Variants in SH3BGRL2 observed in about 807,000 individuals in gnomAD.
The protein encoded by SH3BGRL2 is SH3 domain-binding glutamic acid-rich-like protein 2.
A neutral mutation model predicts 14.8 loss-of-function variants in SH3BGRL2; 21 were observed. The observed-to-expected ratio is 1.42, with a 90% confidence interval of 1.01 to 2.05. The LOEUF is 2.05. Ranked by LOEUF, SH3BGRL2 falls within the 30% of genes most tolerant of loss-of-function variation. The pLI is 0.00. For missense variants in SH3BGRL2, 147 were observed against 130.8 expected (o/e 1.12, Z -0.61); for synonymous variants, 50 against 47.8 (o/e 1.05, Z -0.19).
chr6:79,541,107 G>T, the SH3BGRL2 span, among the ~76,000 whole-genome samples: 2 of 151,930 alleles, frequency 1.3e-5, no homozygotes, highest in African/African-American at 4.8e-5. Context: ...TACAAAATTA[G>T]CCAGACGTGG....
intron 1 of SH3BGRL2, among the ~76,000 whole-genome samples, chr6:79,667,980 A>G (rs1293854170): frequency 1.4e-5 from 1 of 69,858 alleles, no homozygotes. Context: ...TTCTTATTCA[A>G]TCTCAATGTT....
chr6:79,679,799 AT>A (rs753659847), intron 2 of SH3BGRL2, among the ~76,000 whole-genome samples: 5 of 152,088 alleles, frequency 3.3e-5, no homozygotes, highest in Non-Finnish European at 7.4e-5. Context: ...TTGATAACTC[AT>A]TGTGGTTTTG....
the SH3BGRL2 span, among the ~76,000 whole-genome samples, chr6:79,537,716 G>A: frequency 6.6e-6 from 1 of 152,144 alleles, no homozygotes; most frequent in Non-Finnish European, 1.5e-5. Flanking sequence ...GGGCAAAGTG[G>A]GTTCATGATA....
At chr6:79,686,547 T>C (rs1203440797) in intron 2 of SH3BGRL2, among the ~76,000 whole-genome samples, 1 of 152,188 alleles carries the variant, frequency 6.6e-6, no homozygotes, top group Non-Finnish European at 1.5e-5. Context: ...TTTATCTACT[T>C]TCTAATTTGG....
chr6:79,607,927 C>T, the SH3BGRL2 span, among the ~76,000 whole-genome samples: 28 of 152,078 alleles, frequency 1.8e-4, no homozygotes, highest in African/African-American at 6.5e-4. Context: ...GCCTGGAAGA[C>T]AGAGCGAGAC....
chr6:79,614,005 C>T, the SH3BGRL2 span, among the ~76,000 whole-genome samples: 3,246 of 152,154 alleles, frequency 0.021, 37 homozygotes, highest in Non-Finnish European at 0.031. Context: ...GCAGCAGGGG[C>T]GGCTTTGACC....
At chr6:79,569,986 T>C in the SH3BGRL2 span, among the ~76,000 whole-genome samples, 557 of 152,272 alleles carry the variant, frequency 3.7e-3, 6 homozygotes, top group African/African-American at 0.013. Context: ...TTTGCTGAAA[T>C]TGAGGGCTGA....
At chr6:79,676,467 T>A (rs1769883680) in intron 2 of SH3BGRL2, among the ~76,000 whole-genome samples, 1 of 152,132 alleles carries the variant, frequency 6.6e-6, no homozygotes. Context: ...CCTTGCTTCT[T>A]GCTGATAGTG....
chr6:79,550,518 A>C, the SH3BGRL2 span, among the ~76,000 whole-genome samples: 7 of 152,194 alleles, frequency 4.6e-5, no homozygotes, highest in Admixed American at 2.0e-4. Flanking sequence ...CACAGAGATT[A>C]AAACGAAAAG....
the SH3BGRL2 span, among the ~76,000 whole-genome samples, chr6:79,590,856 T>G: frequency 6.6e-6 from 1 of 152,296 alleles, no homozygotes; most frequent in South Asian, 2.1e-4. Flanking sequence ...AAGTAGTATT[T>G]GTTCACTGTG....
In SH3BGRL2 at chr6:79,673,768, C is replaced by G. The variant is rs950516105; in HGVS notation, c.200C>G (p.Pro67Arg). 6.2e-7 allele frequency: 1 copy of G among 1,614,002 alleles called. No individual in the cohort carries two copies. The highest frequency in any genetic ancestry group is 1.3e-5 in the African/African-American group (1 of 75,010). Reference sequence around the variant, plus strand: ...CCCACTCAGGGCAACCCCCTGCCACCTCAGATATTTAATGGCGACCGATAC... The same window carrying G: ...CCCACTCAGGGCAACCCCCTGCCACGTCAGATATTTAATGGCGACCGATAC... Reference protein sequence around the residue: ...KKPTQGNPLPPQIFNGDRYCG... With the variant: ...KKPTQGNPLPRQIFNGDRYCG... The change falls in exon 2 of 4, where the codon CCT becomes CGT. Residue 67 changes from proline (P) to arginine (R), a missense_variant. By Grantham distance (103) the Pro-to-Arg change is moderately radical. Transcript: ENST00000369838.
chr6:79,572,558 C>T, the SH3BGRL2 span, among the ~76,000 whole-genome samples: 3,997 of 152,092 alleles, frequency 0.026, 172 homozygotes, highest in African/African-American at 0.092. Context: ...CTCTGCTTGC[C>T]GGGTTCACGC....
At chr6:79,607,678 C>T in the SH3BGRL2 span, among the ~76,000 whole-genome samples, 1 of 152,178 alleles carries the variant, frequency 6.6e-6, no homozygotes, top group African/African-American at 2.4e-5. Context: ...GGCACGGTGG[C>T]TCACGCCTGT....
At chr6:79,608,719 G>A in the SH3BGRL2 span, among the ~76,000 whole-genome samples, 2 of 152,132 alleles carry the variant, frequency 1.3e-5, no homozygotes, top group Non-Finnish European at 2.9e-5. Flanking sequence ...TTCAACCCAG[G>A]AAGCTGGCTT....
chr6:79,546,248 G>C, the SH3BGRL2 span, among the ~76,000 whole-genome samples: 2 of 152,066 alleles, frequency 1.3e-5, no homozygotes, highest in Non-Finnish European at 2.9e-5. Context: ...TTTTTTTCCA[G>C]ATAATACAAA....
the SH3BGRL2 span, among the ~76,000 whole-genome samples, chr6:79,588,154 A>T: frequency 4.0e-5 from 6 of 151,878 alleles, no homozygotes; most frequent in South Asian, 1.0e-3. Flanking sequence ...TTAGCTGGGC[A>T]TGGTGGCACG....
At position 79,673,681 on chromosome 6, in the gene SH3BGRL2, A is replaced by G. The variant is rs1249217231; in HGVS notation, c.113A>G (p.Asp38Gly). Residue 38 changes from aspartate to glycine, a missense_variant, in exon 2 of 4, where the codon GAT becomes GGT. By Grantham distance (94) the Asp-to-Gly change is moderately conservative. Transcript: ENST00000369838. ...AACAAGATAGAGTTTGAGGAGGTGGATATCACAATGTCAGAAGAACAGAGG... is the reference window on the plus strand; with the variant it reads ...AACAAGATAGAGTTTGAGGAGGTGGGTATCACAATGTCAGAAGAACAGAGG... ...EANKIEFEEV[D>G]ITMSEEQRQW... 1.2e-6 allele frequency: 2 copies of G among 1,614,044 alleles called. No individual in the cohort carries two copies. Among genetic ancestry groups the G allele is most frequent in the Non-Finnish European group, 1.7e-6 (2 of 1,180,022 alleles).
intron 1 of SH3BGRL2, among the ~76,000 whole-genome samples, chr6:79,661,954 C>T (rs1317785897): frequency 6.6e-6 from 1 of 151,954 alleles, no homozygotes; most frequent in Admixed American, 6.6e-5. Flanking sequence ...GGATTGCAGC[C>T]CCCGCTTTTT....
At chr6:79,591,326 C>T in the SH3BGRL2 span, among the ~76,000 whole-genome samples, 1 of 152,216 alleles carries the variant, frequency 6.6e-6, no homozygotes, top group South Asian at 2.1e-4. Flanking sequence ...TTGATCTAAT[C>T]TTTTTATATG....
Sources: allele counts gnomAD v4.1 joint callset (sites outside exome capture counted in the v4.1 genomes callset), GRCh38; gene constraint gnomAD v4.1.1; transcripts MANE v1.5; gene names NCBI Gene and HGNC (gene_info 2026-07-23, HGNC 2026-07-21).